Variants in NAV3 observed in about 807,000 individuals in gnomAD.
The protein encoded by NAV3 is neuron navigator 3.
A neutral mutation model predicts 244.7 loss-of-function variants in NAV3; 87 were observed. That is an observed-to-expected ratio of 0.36 (90% CI 0.30 to 0.42). The LOEUF is 0.42. Among genes scored for constraint, NAV3 ranks in the 20% least tolerant of loss-of-function variants. The pLI, the probability that NAV3 is intolerant of heterozygous loss-of-function variation, is 1.00. For synonymous variants in NAV3, 1,126 were observed against 1,042.2 expected (o/e 1.08, Z -1.55); for missense variants, 2,663 against 2,893.3 (o/e 0.92, Z 1.83).
intron 2 of NAV3, among the ~76,000 whole-genome samples, chr12:77,736,025 T>C (rs1013514771): frequency 6.6e-6 from 1 of 152,248 alleles, no homozygotes; most frequent in Non-Finnish European, 1.5e-5. Flanking sequence ...ATAACTTATA[T>C]TGTCTTTCAG....
chr12:78,209,480 A>AT (rs1178170189), intron 39 of NAV3, among the ~76,000 whole-genome samples: 1 of 151,804 alleles, frequency 6.6e-6, no homozygotes, highest in African/African-American at 2.4e-5. Context: ...ACATGTGCCA[A>AT]TTTTTCTGTG....
intron 2 of NAV3, among the ~76,000 whole-genome samples, chr12:77,623,471 CAGAG>C (rs1871472910): frequency 6.6e-6 from 1 of 152,168 alleles, no homozygotes; most frequent in Non-Finnish European, 1.5e-5. Flanking sequence ...TCCTGTACAA[CAGAG>C]AATTTCCTTT....
intron 2 of NAV3, among the ~76,000 whole-genome samples, chr12:77,623,128 C>A (rs897834046): frequency 2.0e-5 from 3 of 151,990 alleles, no homozygotes; most frequent in African/African-American, 7.3e-5. Flanking sequence ...ATAGGATGGA[C>A]TGTAAACTAG....
intron 2 of NAV3, among the ~76,000 whole-genome samples, chr12:77,712,299 A>C (rs1271171300): frequency 6.6e-6 from 1 of 152,148 alleles, no homozygotes; most frequent in Non-Finnish European, 1.5e-5. Context: ...TAGAGGGAGG[A>C]TATCATTCTA....
At chr12:78,027,721 G>T (rs528387886) in intron 9 of NAV3, among the ~76,000 whole-genome samples, 7 of 152,142 alleles carry the variant, frequency 4.6e-5, no homozygotes, top group Admixed American at 3.9e-4. Context: ...CCCACAAAGG[G>T]TAATACAATG....
At chr12:78,031,922 C>G (rs909786246) in intron 9 of NAV3, among the ~76,000 whole-genome samples, 1 of 151,796 alleles carries the variant, frequency 6.6e-6, no homozygotes, top group Non-Finnish European at 1.5e-5. Context: ...GAGAAGTGGT[C>G]TCTTTTTCCA....
intron 11 of NAV3, among the ~76,000 whole-genome samples, chr12:78,057,379 A>G (rs1388595566): frequency 6.6e-6 from 1 of 152,166 alleles, no homozygotes; most frequent in Non-Finnish European, 1.5e-5. Flanking sequence ...TTCTGCCTTG[A>G]TCCTCCCTCA....
rs188789909 is a variant in NAV3 at position 77,773,028 on chromosome 12, T to G, written c.73-167291T>G. On this transcript the variant is annotated intron_variant, in intron 2 of 8. Coordinates refer to the NAV3 transcript ENST00000550042. Reference sequence around the variant, plus strand: ...GGTTCTGAGATTCTATCATCCCAATTTTTTAATCATCATAAATGACAGAAA... The same window carrying G: ...GGTTCTGAGATTCTATCATCCCAATGTTTTAATCATCATAAATGACAGAAA... Among the ~76,000 whole-genome samples, 199 of 152,284 alleles carry G rather than the reference T, an allele frequency of 1.3e-3. 7 individuals carry two copies. Among genetic ancestry groups the G allele is most frequent in the Admixed American group, 0.013 (197 of 15,290 alleles).
intron 12 of NAV3, among the ~76,000 whole-genome samples, chr12:78,067,602 C>T (rs140247996): frequency 5.5e-4 from 84 of 152,112 alleles, no homozygotes; most frequent in Middle Eastern, 6.8e-3. Context: ...TGTTGAGAAC[C>T]TACTCTCTGC....
At chr12:77,660,338 C>G (rs1873377819) in intron 2 of NAV3, among the ~76,000 whole-genome samples, 1 of 152,172 alleles carries the variant, frequency 6.6e-6, no homozygotes, top group Non-Finnish European at 1.5e-5. Flanking sequence ...TTTGTTTTAT[C>G]TCAGAATTTA....
intron 3 of NAV3, among the ~76,000 whole-genome samples, chr12:77,956,974 C>T (rs1891423953): frequency 6.6e-6 from 1 of 152,100 alleles, no homozygotes. Context: ...GACTCCTGAC[C>T]TCAGGTGATC....
chr12:77,743,308 A>G (rs567559531), intron 2 of NAV3, among the ~76,000 whole-genome samples: 48 of 151,930 alleles, frequency 3.2e-4, no homozygotes, highest in Non-Finnish European at 5.7e-4. Flanking sequence ...GGCTAATATT[A>G]GTTAATTTTC....
chr12:78,173,158 C>G (rs566053961), intron 24 of NAV3, among the ~76,000 whole-genome samples: 1 of 151,374 alleles, frequency 6.6e-6, no homozygotes, highest in South Asian at 2.1e-4. Flanking sequence ...TTTATGATGC[C>G]CCATATACTG....
intron 2 of NAV3, among the ~76,000 whole-genome samples, chr12:77,812,439 C>G (rs549794927): frequency 1.3e-5 from 2 of 151,642 alleles, no homozygotes; most frequent in Non-Finnish European, 2.9e-5. Flanking sequence ...TTGAGACAGT[C>G]TCACTCTGTT....
chr12:77,576,532 A>G (rs1258975989), intron 2 of NAV3, among the ~76,000 whole-genome samples: 1 of 152,122 alleles, frequency 6.6e-6, no homozygotes, highest in African/African-American at 2.4e-5. Flanking sequence ...GTACTTTGTC[A>G]ATTTAAAGCT....
chr12:77,708,694 A>G (rs1263482373), intron 2 of NAV3, among the ~76,000 whole-genome samples: 1 of 152,190 alleles, frequency 6.6e-6, no homozygotes, highest in Non-Finnish European at 1.5e-5. Flanking sequence ...ATCCATGAGC[A>G]TGGAATGTTC....
chr12:78,019,126 G>A (rs970910118), intron 8 of NAV3, among the ~76,000 whole-genome samples: 1 of 152,088 alleles, frequency 6.6e-6, no homozygotes, highest in African/African-American at 2.4e-5. Flanking sequence ...ATTTTGCAAG[G>A]CAGGCATTTT....
At chr12:77,936,553 A>T (rs956472299) in intron 1 of NAV3, among the ~76,000 whole-genome samples, 1 of 152,162 alleles carries the variant, frequency 6.6e-6, no homozygotes, top group Non-Finnish European at 1.5e-5. Context: ...CAATTATACC[A>T]ATTTCTTCAC....
rs902817325 is a variant in NAV3 at position 77,914,837 on chromosome 12, C to T, written c.244-25482C>T. Among the ~76,000 whole-genome samples the T allele has an allele frequency of 2.8e-5, 4 of 143,790 alleles. 1 individual carries two copies. The highest frequency in any genetic ancestry group is 2.1e-4 in the Admixed American group (3 of 14,350). 94.3% of individuals were successfully genotyped at this position (143,790 alleles called of 152,430 possible). On this transcript the variant is annotated intron_variant, in intron 1 of 39. Transcript: ENST00000397909. ...GTTAAGAAATGCAGAGATTCTTTGTCTTTTTTTTTTTTTTAATTATCTGAT... is the reference window on the plus strand; with the variant it reads ...GTTAAGAAATGCAGAGATTCTTTGTTTTTTTTTTTTTTTTAATTATCTGAT...
Sources: gnomAD v4.1 joint callset for allele counts (sites outside exome capture counted in the v4.1 genomes callset) on GRCh38, gnomAD v4.1.1 for gene constraint, MANE v1.5 for transcripts, NCBI Gene and HGNC (gene_info 2026-07-23, HGNC 2026-07-21) for gene names.